The following CTDP1 variants were observed in gnomAD, a reference collection of about 807,000 sequenced individuals.
The protein encoded by CTDP1 is CTD phosphatase 1, also known as RNA polymerase II subunit A C-terminal domain phosphatase.
In CTDP1, 47 loss-of-function variants were observed where a neutral mutation model predicts 91.8. The ratio of observed to expected loss-of-function variants is 0.51; its 90% CI spans 0.41 to 0.65. The LOEUF (loss-of-function observed/expected upper bound fraction) is 0.65, where lower values mean the gene tolerates loss of function less well. Ranked by LOEUF, CTDP1 falls within the 30% of genes least tolerant of loss-of-function variation. CTDP1 has a pLI of 0.00. For missense variants in CTDP1, 1,272 were observed against 1,373.7 expected, an observed-to-expected ratio of 0.93 and a Z score of 1.17; for synonymous variants, 656 against 598.5, an observed-to-expected ratio of 1.10 and a Z score of -1.40.
At chr18:79,750,452 C>T (rs368501158) in intron 12 of CTDP1, among the ~76,000 whole-genome samples, 2 of 151,956 alleles carry the variant, frequency 1.3e-5, no homozygotes, top group Admixed American at 1.3e-4. Context: ...TCGTTTAAAA[C>T]TTGGACGGCA....
At chr18:79,730,282 A>ATAAGGAAC (rs1307225570) in intron 11 of CTDP1, among the ~76,000 whole-genome samples, 1 of 152,222 alleles carries the variant, frequency 6.6e-6, no homozygotes, top group East Asian at 1.9e-4. Flanking sequence ...AAGGTTCTGT[A>ATAAGGAAC]TAAGGAACAG....
chr18:79,711,120 C>G (rs2086075224), intron 6 of CTDP1, among the ~76,000 whole-genome samples: 1 of 152,038 alleles, frequency 6.6e-6, no homozygotes, highest in Non-Finnish European at 1.5e-5. Context: ...TTAGACAGCA[C>G]AATTCGATGT....
upstream of CTDP1, chr18:79,679,023 T>C (rs1204842289): frequency 8.8e-6 from 2 of 226,278 alleles, no homozygotes; most frequent in Non-Finnish European, 1.8e-5. Flanking sequence ...CAGACAAACG[T>C]AGAAAGTGGC....
intron 4 of CTDP1, among the ~76,000 whole-genome samples, chr18:79,702,110 T>G (rs979960694): frequency 6.6e-6 from 1 of 152,268 alleles, no homozygotes; most frequent in African/African-American, 2.4e-5. Context: ...AAAGCAGTTC[T>G]TCTGTGGGTA....
At chr18:79,688,693 C>T (rs1217482362) in intron 1 of CTDP1, among the ~76,000 whole-genome samples, 1 of 152,182 alleles carries the variant, frequency 6.6e-6, no homozygotes, top group Admixed American at 6.5e-5. Flanking sequence ...AGCCATCACT[C>T]CCAGCCACAC....
At chr18:79,701,524 A>T (rs2085856480) in intron 4 of CTDP1, among the ~76,000 whole-genome samples, 1 of 86,548 alleles carries the variant, frequency 1.2e-5, no homozygotes, top group East Asian at 3.0e-4. Flanking sequence ...AAAATAATAA[A>T]TAAATTAAAT....
chr18:79,734,452 T>C (rs1360688445), intron 11 of CTDP1, among the ~76,000 whole-genome samples: 1 of 152,238 alleles, frequency 6.6e-6, no homozygotes, highest in South Asian at 2.1e-4. Flanking sequence ...TGTGAATGTG[T>C]GCCCACGTTT....
chr18:79,701,509 C>CA (rs1426002050), intron 4 of CTDP1, among the ~76,000 whole-genome samples: 4 of 140,586 alleles, frequency 2.8e-5, no homozygotes, highest in East Asian at 2.0e-4. Context: ...GACTCCATCT[C>CA]AAAAAAAATA....
chr18:79,710,710 T>TGTA (rs1415012468), intron 6 of CTDP1, among the ~76,000 whole-genome samples: 2 of 123,758 alleles, frequency 1.6e-5, no homozygotes, highest in Non-Finnish European at 1.6e-5. Context: ...TTTTTTTTTT[T>TGTA]TTTTTTTTGT....
Position 79,681,524 on chromosome 18 carries a change from A to T in CTDP1, c.314+1263A>T, listed in dbSNP as rs189278232. 1.1e-5 allele frequency: 11 copies of T among 982,962 alleles called. No homozygotes were observed. The African/African-American group carries it at 1.6e-4, about 14-fold the overall frequency. The allele number at this position is 982,962 out of a possible 1,614,324, so 60.9% of individuals were successfully genotyped here. On this transcript the variant is annotated intron_variant, in intron 1 of 12. Transcript: ENST00000613122. ...GCTGCTTTGGCCTAGACAGGTGAGT[A>T]ACTTGGTTATGTGGCAAGTTAGTAT... is the stretch of plus-strand genomic sequence containing the variant.
intron 10 of CTDP1, among the ~76,000 whole-genome samples, chr18:79,727,316 G>A (rs1287628834): frequency 6.6e-6 from 1 of 152,246 alleles, no homozygotes; most frequent in African/African-American, 2.4e-5. Flanking sequence ...TCAGCCAAAT[G>A]CAGGTGGGAA....
At chr18:79,677,756 C>G (rs1248491143), upstream of CTDP1, 2 of 151,590 alleles carry the variant, frequency 1.3e-5, no homozygotes, top group Non-Finnish European at 2.9e-5. Context: ...GAATTCTTCA[C>G]CATCCAGTAG....
chr18:79,681,881 G>A (rs962180722), intron 1 of CTDP1, among the ~76,000 whole-genome samples: 2 of 152,148 alleles, frequency 1.3e-5, no homozygotes, highest in Admixed American at 6.5e-5. Context: ...CTTCTTCCCC[G>A]TTTCTGTGTA....
At position 79,717,887 on chromosome 18, in the gene CTDP1, C is replaced by A. The variant is rs1378171524; in HGVS notation, c.2288C>A (p.Pro763His). 1.2e-6 allele frequency: 2 copies of A among 1,613,662 alleles called. No homozygotes were observed. The highest frequency in any genetic ancestry group is 1.7e-6 in the Non-Finnish European group (2 of 1,180,010). The change falls in exon 10 of 13, where the codon CCC becomes CAC. Residue 763 changes from proline (P) to histidine (H), a missense_variant. Coordinates refer to ENST00000613122, the MANE Select transcript of CTDP1 (RefSeq NM_004715.5). ...TTGTTCCACCCGATGCCGGTTCTTCCCAAGGCCCAGCCTGGCCCCGAGGTT... is the reference window on the plus strand; with the variant it reads ...TTGTTCCACCCGATGCCGGTTCTTCACAAGGCCCAGCCTGGCCCCGAGGTT... ...TALFHPMPVL[P>H]KAQPGPEVRI...
At chr18:79,722,055 C>T (rs1189325350) in intron 10 of CTDP1, among the ~76,000 whole-genome samples, 1 of 152,136 alleles carries the variant, frequency 6.6e-6, no homozygotes, top group Non-Finnish European at 1.5e-5. Flanking sequence ...AGCTCCTGTC[C>T]TCATTGTCTT....
At chr18:79,738,061 C>CT (rs1339609800) in intron 12 of CTDP1, among the ~76,000 whole-genome samples, 1 of 145,100 alleles carries the variant, frequency 6.9e-6, no homozygotes, top group Non-Finnish European at 1.5e-5. Context: ...CGGGAGTTGC[C>CT]TTCCCCACTC....
In CTDP1 at chr18:79,696,080, G is replaced by GCAT; in HGVS notation, c.492+13_492+15dup. ...GATGGTGAGCTCCGAGGTGAGCCGG[G>GCAT]CATCAGTGGCGGCGTGTTGGGGAAG... On this transcript the variant is annotated intron_variant, in intron 3 of 12. Transcript: ENST00000613122. The GCAT allele has an allele frequency of 6.2e-7, 1 of 1,609,142 alleles. No homozygotes were observed. The highest frequency in any genetic ancestry group is 8.5e-7 in the Non-Finnish European group (1 of 1,179,454).
chr18:79,683,515 C>G, intron 1 of CTDP1, among the ~76,000 whole-genome samples: 1 of 152,182 alleles, frequency 6.6e-6, no homozygotes, highest in Non-Finnish European at 1.5e-5. Context: ...TAACAGGGAC[C>G]TCCCAGCACC....
intron 5 of CTDP1, among the ~76,000 whole-genome samples, chr18:79,709,069 A>G (rs569974887): frequency 6.6e-6 from 1 of 152,364 alleles, no homozygotes; most frequent in East Asian, 1.9e-4. Flanking sequence ...GAGGCTTCAT[A>G]ATTAACCGTA....
Sources: allele counts gnomAD v4.1 joint callset (sites outside exome capture counted in the v4.1 genomes callset), GRCh38; gene constraint gnomAD v4.1.1; transcripts MANE v1.5; gene names NCBI Gene and HGNC (gene_info 2026-07-23, HGNC 2026-07-21).